EYA2: variants seen among roughly 807,000 people sequenced by gnomAD.
EYA2 encodes EYA transcriptional coactivator and phosphatase 2, also known as protein phosphatase EYA2.
EYA2 carries 31 observed loss-of-function variants against 69.2 expected under a neutral mutation model. The observed-to-expected ratio is 0.45, with a 90% CI of 0.34 to 0.60. EYA2 has a LOEUF of 0.60. Ranked by LOEUF, EYA2 falls within the 20% of genes least tolerant of loss-of-function variation. EYA2 has a pLI of 0.02. For synonymous variants in EYA2, 257 were observed against 279.4 expected, an observed-to-expected ratio of 0.92 and a Z score of 0.80; for missense variants, 622 against 701.2, an observed-to-expected ratio of 0.89 and a Z score of 1.28.
chr20:47,004,129 G>A (rs1306071038), intron 3 of EYA2, among the ~76,000 whole-genome samples: 2 of 152,158 alleles, frequency 1.3e-5, no homozygotes, highest in Non-Finnish European at 2.9e-5. Flanking sequence ...GTGGTCTTTG[G>A]TTGCAAGCAA....
chr20:46,944,833 G>A (rs142365111), intron 1 of EYA2, among the ~76,000 whole-genome samples: 1 of 152,242 alleles, frequency 6.6e-6, no homozygotes, highest in East Asian at 1.9e-4. Flanking sequence ...CCACATGTTG[G>A]TGGCTCATTC....
At chr20:47,084,564 A>G (rs1384297834) in intron 7 of EYA2, among the ~76,000 whole-genome samples, 1 of 152,196 alleles carries the variant, frequency 6.6e-6, no homozygotes, top group Non-Finnish European at 1.5e-5. Context: ...AAATAAAGAA[A>G]TGGGCAAAAT....
chr20:47,074,909 C>G (rs1438846592), intron 7 of EYA2, among the ~76,000 whole-genome samples: 1 of 152,120 alleles, frequency 6.6e-6, no homozygotes, highest in African/African-American at 2.4e-5. Context: ...GTCAGGAGTT[C>G]GAGACCAGCC....
chr20:46,996,345 C>T (rs534468068), intron 2 of EYA2, among the ~76,000 whole-genome samples: 4 of 152,264 alleles, frequency 2.6e-5, no homozygotes, highest in Admixed American at 2.6e-4. Context: ...TTTTTATGAA[C>T]CCCAAATTGT....
chr20:47,019,858 A>G (rs1983640939), intron 5 of EYA2, among the ~76,000 whole-genome samples: 1 of 151,414 alleles, frequency 6.6e-6, no homozygotes, highest in Non-Finnish European at 1.5e-5. Flanking sequence ...AGTCCCAGCT[A>G]CTCAATATGT....
At chr20:46,963,530 T>C (rs542263232) in intron 1 of EYA2, among the ~76,000 whole-genome samples, 6 of 152,364 alleles carry the variant, frequency 3.9e-5, no homozygotes, top group Admixed American at 1.3e-4. Flanking sequence ...CTCAGTGCTC[T>C]GGAGGAAATA....
chr20:47,124,615 C>T (rs73309686), intron 9 of EYA2, among the ~76,000 whole-genome samples: 3,031 of 152,140 alleles, frequency 0.02, 108 homozygotes, highest in African/African-American at 0.069. Context: ...ACCACATGCC[C>T]CTCAGCCCTG....
chr20:47,187,649 G>A (rs764732599), intron 15 of EYA2, among the ~76,000 whole-genome samples: 11 of 152,240 alleles, frequency 7.2e-5, no homozygotes, highest in South Asian at 2.1e-4. Context: ...CAATCCTCCC[G>A]CCTCAGCCTC....
At chr20:47,047,384 G>GTC (rs763825493) in intron 5 of EYA2, among the ~76,000 whole-genome samples, 15 of 140,960 alleles carry the variant, frequency 1.1e-4, no homozygotes, top group South Asian at 2.4e-4. Context: ...TTTATTTTTT[G>GTC]TCTCTCTCTC....
At chr20:47,151,116 A>G (rs1017368713) in intron 10 of EYA2, among the ~76,000 whole-genome samples, 2 of 151,980 alleles carry the variant, frequency 1.3e-5, no homozygotes, top group African/African-American at 4.8e-5. Flanking sequence ...TGCGCCTGTA[A>G]TCCCAGCACT....
At chr20:47,128,383 A>T (rs940178816) in intron 9 of EYA2, among the ~76,000 whole-genome samples, 2 of 152,218 alleles carry the variant, frequency 1.3e-5, no homozygotes, top group African/African-American at 4.8e-5. Flanking sequence ...GAGGAAAGCC[A>T]GCCTGAGACC....
intron 5 of EYA2, among the ~76,000 whole-genome samples, chr20:47,023,654 T>TTTTTG (rs1555813774): frequency 7.0e-6 from 1 of 143,870 alleles, no homozygotes; most frequent in Non-Finnish European, 1.5e-5. Context: ...TTTTTTTTTT[T>TTTTTG]GAAGACAGAG....
At chr20:47,116,308 G>A (rs2032890906) in intron 9 of EYA2, among the ~76,000 whole-genome samples, 1 of 151,516 alleles carries the variant, frequency 6.6e-6, no homozygotes. Flanking sequence ...CTCTCGAGTA[G>A]CTGGGATGAC....
intron 9 of EYA2, among the ~76,000 whole-genome samples, chr20:47,115,267 C>T (rs745937896): frequency 6.2e-4 from 94 of 152,132 alleles, no homozygotes; most frequent in Non-Finnish European, 2.4e-4. Flanking sequence ...AGACTGCTCC[C>T]AAGGACCCCC....
intron 1 of EYA2, among the ~76,000 whole-genome samples, chr20:46,925,560 C>T (rs1985379333): frequency 6.6e-6 from 1 of 152,110 alleles, no homozygotes; most frequent in Non-Finnish European, 1.5e-5. Context: ...AAAGGAAATA[C>T]AAATGACTTT....
intron 7 of EYA2, among the ~76,000 whole-genome samples, chr20:47,086,634 A>G (rs2031902351): frequency 6.6e-6 from 1 of 152,154 alleles, no homozygotes; most frequent in Non-Finnish European, 1.5e-5. Context: ...TAAACCATTC[A>G]TGAGAACTCC....
chr20:47,078,327 GCGCGCACACACACACA>G (rs761122588), intron 7 of EYA2, among the ~76,000 whole-genome samples: 183 of 78,100 alleles, frequency 2.3e-3, no homozygotes, highest in Non-Finnish European at 5.3e-3. Flanking sequence ...GTGCGCGCGC[GCGCGCACACACACACA>G]CACACACACA....
chr20:46,932,913 C>T (rs1316139191), intron 1 of EYA2, among the ~76,000 whole-genome samples: 1 of 151,992 alleles, frequency 6.6e-6, no homozygotes, highest in Non-Finnish European at 1.5e-5. Context: ...AAGTGTTTGG[C>T]AGTCTCCCTC....
At chr20:46,903,645 A>G (rs1984222094) in intron 1 of EYA2, among the ~76,000 whole-genome samples, 1 of 152,152 alleles carries the variant, frequency 6.6e-6, no homozygotes, top group African/African-American at 2.4e-5. Flanking sequence ...CTTCGTCTGT[A>G]AAGCAGGGTG....
Sources: gnomAD v4.1 joint callset for allele counts (sites outside exome capture counted in the v4.1 genomes callset) on GRCh38, gnomAD v4.1.1 for gene constraint, MANE v1.5 for transcripts, NCBI Gene and HGNC (gene_info 2026-07-23, HGNC 2026-07-21) for gene names.